WDR76: variants seen among roughly 807,000 people sequenced by gnomAD.
WDR76 encodes the protein WD repeat-containing protein 76.
Under a neutral mutation model 70.2 loss-of-function variants are expected in WDR76, and 52 were observed. That is an observed-to-expected ratio of 0.74 (90% CI 0.59 to 0.93). WDR76 has a LOEUF of 0.93. Ranked by LOEUF, WDR76 falls within the 40% of genes least tolerant of loss-of-function variation. The pLI is 0.00. For synonymous variants in WDR76, 292 were observed against 271.1 expected, an observed-to-expected ratio of 1.08 and a Z score of -0.76; for missense variants, 756 against 760.2, an observed-to-expected ratio of 0.99 and a Z score of 0.07.
Position 43,866,362 on chromosome 15 carries a change from A to G in WDR76, c.1851A>G (p.Ile617Met), listed in dbSNP as rs766865406. Residue 617 changes from isoleucine to methionine, a missense_variant, in exon 13 of 13, where the codon ATA (isoleucine) becomes ATG (methionine). Physicochemically the swap from Ile to Met is conservative, Grantham distance 10. Transcript: ENST00000263795. ...ILAGGNSSGKIHVFMNEKSC is the reference protein window; with the variant it reads ...ILAGGNSSGKMHVFMNEKSC Reference sequence around the variant, plus strand: ...CTGGAGGTAATTCCAGCGGGAAGATACATGTTTTTATGAATGAAAAAAGCT... The same window carrying G: ...CTGGAGGTAATTCCAGCGGGAAGATGCATGTTTTTATGAATGAAAAAAGCT... 2.5e-6 allele frequency: 4 copies of G among 1,614,106 alleles called. No individual in the cohort carries two copies. Among genetic ancestry groups the G allele is most frequent in the Non-Finnish European group, 8.5e-7 (1 of 1,179,948 alleles).
At chr15:43,843,062 C>T (rs577464438) in intron 7 of WDR76, among the ~76,000 whole-genome samples, 3 of 123,014 alleles carry the variant, frequency 2.4e-5, no homozygotes, top group Admixed American at 1.1e-4. Context: ...CTCCCTCTAT[C>T]GCTTAGGCTG....
At chr15:43,842,078 G>T (rs2087732132) in intron 5 of WDR76, among the ~76,000 whole-genome samples, 1 of 152,086 alleles carries the variant, frequency 6.6e-6, no homozygotes, top group South Asian at 2.1e-4. Flanking sequence ...ATATTGGCCA[G>T]GCTGGTCTCG....
At position 43,835,085 on chromosome 15, in the gene WDR76, G is replaced by A. The variant is rs748412917; in HGVS notation, c.487G>A (p.Glu163Lys). The change falls in exon 3 of 13, where the codon GAA becomes AAA. Residue 163 changes from glutamate (E) to lysine (K), a missense_variant. Glu to Lys is a moderately conservative substitution (Grantham distance 56, BLOSUM62 1). Transcript: ENST00000263795. ...SLDFSGLSPYERKRLKNISEN... is the reference protein window; with the variant it reads ...SLDFSGLSPYKRKRLKNISEN... ...GGATTTTTCGGGATTGTCACCCTAC[G>A]AAAGGAAGAGACTGAAGAACATATC... 7 of 1,613,962 alleles carry A rather than the reference G, an allele frequency of 4.3e-6. No homozygotes were observed. Among genetic ancestry groups the A allele is most frequent in the African/African-American group, 1.3e-5 (1 of 74,920 alleles).
At position 43,866,543 on chromosome 15, in the gene WDR76, T is replaced by A. The variant is rs1000077066; in HGVS notation, c.*151T>A. The A allele has an allele frequency of 1.1e-6, 1 of 938,648 alleles. No individual in the cohort carries two copies. Among genetic ancestry groups the A allele is most frequent in the Admixed American group, 2.8e-5 (1 of 35,976 alleles). The allele number at this position is 938,648 out of a possible 1,614,324, so 58.1% of individuals were successfully genotyped here. The stretch of plus-strand genomic sequence containing the variant: ...ATAAGACTATAAGAAGAGTGTACTT[T>A]TAGTAAGGGAGAAGTCTTGGAGGGT... On this transcript the variant is annotated 3_prime_UTR_variant, in exon 13 of 13. Coordinates refer to ENST00000263795, the MANE Select transcript of WDR76 (RefSeq NM_024908.4).
rs904037517 is a variant in WDR76 at position 43,865,616 on chromosome 15, CT to C, written c.1617-511del. ...ACTGGGTTTCGCCGTGTTGGACAGG[CT>C]GGTCTCGAACTCCTGACCTCAGGTG... On this transcript the variant is annotated intron_variant, in intron 12 of 12. Transcript: ENST00000263795. 9.4e-4 allele frequency among the ~76,000 whole-genome samples: 143 copies of C among 152,092 alleles called. 1 individual carries two copies. The highest frequency in any genetic ancestry group is 3.3e-3 in the African/African-American group (135 of 41,488).
chr15:43,851,095 A>G lies in WDR76; in HGVS notation c.1041A>G (p.Gln347=). The G allele has an allele frequency of 6.2e-7, 1 of 1,614,088 alleles. No individual in the cohort carries two copies. The highest frequency in any genetic ancestry group is 1.3e-5 in the African/African-American group (1 of 75,022). The part of the protein sequence containing the change: ...GQVGLCDLTQ[Q]PKEDGVYVFH... ...CCGCAACTCTCTTCCAGACCCAGCAACCTAAAGAAGATGGAGTTTATGTTT... is the reference window on the plus strand; with the variant it reads ...CCGCAACTCTCTTCCAGACCCAGCAGCCTAAAGAAGATGGAGTTTATGTTT... The change falls in exon 9 of 13, where the codon CAA becomes CAG. Residue 347 remains glutamine, a synonymous_variant. Transcript: ENST00000263795.
intron 5 of WDR76, among the ~76,000 whole-genome samples, chr15:43,840,626 G>A (rs2087712814): frequency 6.6e-6 from 1 of 152,130 alleles, no homozygotes; most frequent in African/African-American, 2.4e-5. Context: ...AAATCTAGGT[G>A]TTATGGGAAG....
Position 43,843,912 on chromosome 15 carries a change from A to G in WDR76, c.890A>G (p.Asn297Ser), listed in dbSNP as rs146582153. The G allele has an allele frequency of 1.4e-5, 22 of 1,574,552 alleles. No individual in the cohort carries two copies. In the African/African-American group the frequency reaches 3.0e-4, roughly 21 times the overall value. Residue 297 changes from asparagine to serine, a missense_variant, in exon 8 of 13, where the codon AAT (asparagine) becomes AGT (serine). Asn to Ser is a conservative substitution (Grantham distance 46). Transcript: ENST00000263795. ...GLSSIKSYKA[N>S]LNGMVISEDT... The stretch of plus-strand genomic sequence containing the variant: ...TGTAATTTTCTTAGCTACAAAGCCA[A>G]TTTAAATGGCATGGTCATTAGTGAA...
At chr15:43,842,579 A>G (rs772270022) in intron 6 of WDR76, 49 bp from the exon 7 acceptor site, 69 of 1,584,524 alleles carry the variant, frequency 4.4e-5, no homozygotes, top group Non-Finnish European at 5.5e-5. Flanking sequence ...TATATATGTA[A>G]AAATATATAC....
intron 7 of WDR76, 145 bp downstream of exon 7, chr15:43,842,816 T>G (rs2087742309): frequency 2.8e-6 from 2 of 722,382 alleles, no homozygotes; most frequent in Non-Finnish European, 4.5e-6. Context: ...CTCACAAGTG[T>G]TGCCATATAC....
intron 2 of WDR76, among the ~76,000 whole-genome samples, chr15:43,832,086 A>C (rs1238110289): frequency 6.6e-6 from 1 of 152,148 alleles, no homozygotes; most frequent in Non-Finnish European, 1.5e-5. Flanking sequence ...TGATGACCTA[A>C]TTGGATTTAG....
intron 5 of WDR76, among the ~76,000 whole-genome samples, chr15:43,840,511 A>G (rs1386734437): frequency 6.6e-6 from 1 of 152,204 alleles, no homozygotes; most frequent in Non-Finnish European, 1.5e-5. Flanking sequence ...CATTTTCTAA[A>G]TATTTTTTAT....
At chr15:43,834,409 T>C (rs577232606) in intron 2 of WDR76, among the ~76,000 whole-genome samples, 9 of 151,712 alleles carry the variant, frequency 5.9e-5, no homozygotes, top group African/African-American at 1.9e-4. Context: ...CAAGCGATTT[T>C]CCTGCCCCGG....
At chr15:43,844,124 G>C in intron 8 of WDR76, 70 bp downstream of exon 8, 1 of 1,410,548 alleles carries the variant, frequency 7.1e-7, no homozygotes, top group Non-Finnish European at 9.5e-7. Context: ...GAATAGGCTA[G>C]AGCCATGTGT....
chr15:43,851,588 T>C (rs1007086223), intron 9 of WDR76, among the ~76,000 whole-genome samples: 2 of 152,164 alleles, frequency 1.3e-5, no homozygotes, highest in East Asian at 1.9e-4. Context: ...CTTTTTTTTT[T>C]CTCTCCCAAA....
chr15:43,827,149 T>G (rs2087527421), intron 1 of WDR76, 57 bp downstream of exon 1: 1 of 1,612,458 alleles, frequency 6.2e-7, no homozygotes, highest in Non-Finnish European at 8.5e-7. Context: ...TTGTGAGGGT[T>G]ATGCGGGACA....
At chr15:43,864,907 T>C (rs145149852) in intron 12 of WDR76, among the ~76,000 whole-genome samples, 40 of 152,162 alleles carry the variant, frequency 2.6e-4, no homozygotes, top group African/African-American at 9.2e-4. Flanking sequence ...ATTATGTATA[T>C]TTATTTTATT....
At chr15:43,854,765 A>G (rs1432270841) in intron 9 of WDR76, among the ~76,000 whole-genome samples, 2 of 152,004 alleles carry the variant, frequency 1.3e-5, no homozygotes, top group Non-Finnish European at 2.9e-5. Flanking sequence ...CCTGGCCAAC[A>G]TGGTGAAACC....
Position 43,842,634 on chromosome 15 carries a change from A to G in WDR76, c.841A>G (p.Ser281Gly), listed in dbSNP as rs2087740037. Residue 281 changes from serine to glycine, a missense_variant, in exon 7 of 13, where the codon AGT becomes GGT. Transcript: ENST00000263795. ...ATCTCTCCCAATGTTTCAGCCAAGT[A>G]GTAAGAACACTGAGAAGGGATTATC... ...HTWAGMSKPS[S>G]KNTEKGLSSI... 1.9e-6 allele frequency: 3 copies of G among 1,610,244 alleles called. No homozygotes were observed. Among genetic ancestry groups the G allele is most frequent in the South Asian group, 2.2e-5 (2 of 90,378 alleles).
Sources: allele counts gnomAD v4.1 joint callset (sites outside exome capture counted in the v4.1 genomes callset), GRCh38; gene constraint gnomAD v4.1.1; transcripts MANE v1.5; gene names NCBI Gene and HGNC (gene_info 2026-07-23, HGNC 2026-07-21).